The following STPG2 variants were observed in gnomAD, a reference collection of about 807,000 sequenced individuals.
STPG2 encodes the protein sperm-tail PG-rich repeat-containing protein 2.
In STPG2, 56 loss-of-function variants were observed where a neutral mutation model predicts 54.2. That is an observed-to-expected ratio of 1.03 (90% CI 0.83 to 1.29). The LOEUF (loss-of-function observed/expected upper bound fraction) is 1.29. Ranked by LOEUF, STPG2 falls within the 50% of genes most tolerant of loss-of-function variation. The probability of loss-of-function intolerance (pLI) is 0.00; values close to 1 mark genes in which losing one functional copy is unlikely to be tolerated. For missense variants in STPG2, 596 were observed against 544.9 expected (o/e 1.09, Z -0.93); for synonymous variants, 200 against 181.8 (o/e 1.10, Z -0.81).
At chr4:97,899,049 A>G (rs1157373966) in intron 8 of STPG2, among the ~76,000 whole-genome samples, 1 of 151,876 alleles carries the variant, frequency 6.6e-6, no homozygotes, top group Admixed American at 6.6e-5. Flanking sequence ...TTTGCAAATT[A>G]CATGATTCTG....
At chr4:97,509,052 A>G (rs1325462859) in intron 4 of STPG2, among the ~76,000 whole-genome samples, 1 of 151,988 alleles carries the variant, frequency 6.6e-6, no homozygotes, top group East Asian at 1.9e-4. Context: ...TGTGTTACCA[A>G]TGTACTCAGA....
At chr4:98,032,788 C>G (rs777846600) in intron 5 of STPG2, among the ~76,000 whole-genome samples, 33 of 152,310 alleles carry the variant, frequency 2.2e-4, no homozygotes, top group Admixed American at 1.2e-3. Flanking sequence ...GATTAAGAAA[C>G]TCACTCAAAC....
chr4:98,095,266 G>C (rs1236617121), intron 5 of STPG2, among the ~76,000 whole-genome samples: 1 of 152,048 alleles, frequency 6.6e-6, no homozygotes, highest in Non-Finnish European at 1.5e-5. Flanking sequence ...AGGAAGAGAA[G>C]ACCACAAAAC....
intron 10 of STPG2, among the ~76,000 whole-genome samples, chr4:97,593,044 C>A (rs1388424151): frequency 1.3e-5 from 2 of 152,148 alleles, no homozygotes; most frequent in Non-Finnish European, 2.9e-5. Flanking sequence ...TGAAACAAGG[C>A]CAGTTTGATC....
chr4:97,623,272 A>G (rs962036310), intron 10 of STPG2, among the ~76,000 whole-genome samples: 3 of 152,194 alleles, frequency 2.0e-5, no homozygotes, highest in Admixed American at 1.3e-4. Context: ...ATGGGACCTA[A>G]TTAAACTAAA....
intron 10 of STPG2, among the ~76,000 whole-genome samples, chr4:97,646,752 T>C (rs1014286079): frequency 6.6e-6 from 1 of 152,290 alleles, no homozygotes; most frequent in African/African-American, 2.4e-5. Flanking sequence ...GTGTAAGTTA[T>C]AATAATTTCA....
intron 9 of STPG2, among the ~76,000 whole-genome samples, chr4:97,809,260 A>G (rs1412439111): frequency 6.6e-6 from 1 of 152,198 alleles, no homozygotes; most frequent in Non-Finnish European, 1.5e-5. Context: ...AGGAAGGACT[A>G]TAGGAATGGA....
At chr4:97,981,854 T>TATATATATATATATAA (rs1176311937) in intron 5 of STPG2, among the ~76,000 whole-genome samples, 1 of 147,554 alleles carries the variant, frequency 6.8e-6, no homozygotes, top group African/African-American at 2.5e-5. Context: ...TATATATATA[T>TATATATATATATATAA]AACTATAAAT....
chr4:97,875,910 AAG>A (rs751481295), intron 8 of STPG2, among the ~76,000 whole-genome samples: 59 of 152,164 alleles, frequency 3.9e-4, no homozygotes, highest in Non-Finnish European at 6.9e-4. Flanking sequence ...ACATATTAGA[AAG>A]AGAGTTACCA....
chr4:97,844,129 T>C (rs982164211), intron 8 of STPG2, among the ~76,000 whole-genome samples: 11 of 151,884 alleles, frequency 7.2e-5, no homozygotes, highest in Admixed American at 3.3e-4. Context: ...AATTTTTCAA[T>C]TTCATTCAAG....
intron 5 of STPG2, among the ~76,000 whole-genome samples, chr4:98,051,024 A>G (rs906722884): frequency 6.6e-6 from 1 of 151,420 alleles, no homozygotes; most frequent in African/African-American, 2.4e-5. Context: ...AAAAAAAAAA[A>G]GGAAAAAAAT....
At chr4:97,558,814 G>T (rs551628268), downstream of STPG2, 12 of 434,194 alleles carry the variant, frequency 2.8e-5, no homozygotes, top group South Asian at 1.5e-4. Context: ...GCCAAAAAAT[G>T]TTGGGGTTAA....
chr4:97,784,783 G>C (rs1433633449), intron 9 of STPG2, among the ~76,000 whole-genome samples: 1 of 151,946 alleles, frequency 6.6e-6, no homozygotes, highest in African/African-American at 2.4e-5. Flanking sequence ...AATTGGAAAT[G>C]ATTAAAGAGA....
intron 10 of STPG2, among the ~76,000 whole-genome samples, chr4:97,673,760 T>C (rs1200690546): frequency 1.3e-5 from 2 of 152,154 alleles, no homozygotes; most frequent in Non-Finnish European, 2.9e-5. Context: ...TTCTATCACA[T>C]CTTATATCTT....
At chr4:97,969,186 C>A (rs1734229117) in intron 7 of STPG2, among the ~76,000 whole-genome samples, 2 of 152,174 alleles carry the variant, frequency 1.3e-5, no homozygotes, top group African/African-American at 4.8e-5. Context: ...TGTTTGTAAA[C>A]AGCTTTTGCT....
At chr4:97,844,568 G>A (rs1381169857) in intron 8 of STPG2, among the ~76,000 whole-genome samples, 1 of 151,882 alleles carries the variant, frequency 6.6e-6, no homozygotes, top group African/African-American at 2.4e-5. Context: ...CACTATATAA[G>A]TTTCCTTTTT....
intron 5 of STPG2, among the ~76,000 whole-genome samples, chr4:98,032,630 C>A (rs1340945494): frequency 6.6e-6 from 1 of 152,204 alleles, no homozygotes; most frequent in African/African-American, 2.4e-5. Context: ...CCCAAATCAA[C>A]AGAATATACA....
chr4:98,077,716 C>T (rs1001466697), intron 5 of STPG2, among the ~76,000 whole-genome samples: 3 of 152,066 alleles, frequency 2.0e-5, no homozygotes, highest in East Asian at 1.9e-4. Context: ...TTACATGTTG[C>T]GTTGATAAAT....
In STPG2 at chr4:97,778,892, A is replaced by G. The variant is rs550927280; in HGVS notation, c.1204+61881T>C. ...GGTCCTGTCTGATAGAAGGAAAACT[A>G]ACAAACAGAAAGGACATCCACACCA... On this transcript the variant is annotated intron_variant, in intron 9 of 10. Coordinates refer to ENST00000295268, the MANE Select transcript of STPG2 (RefSeq NM_174952.3). Among the ~76,000 whole-genome samples the G allele has an allele frequency of 3.9e-5, 6 of 152,296 alleles. No homozygotes were observed. The South Asian group carries it at 1.2e-3, about 32-fold the overall frequency.
Sources: allele counts gnomAD v4.1 joint callset (sites outside exome capture counted in the v4.1 genomes callset), GRCh38; gene constraint gnomAD v4.1.1; transcripts MANE v1.5; gene names NCBI Gene and HGNC (gene_info 2026-07-23, HGNC 2026-07-21).